The following SLC9A6 variants were observed in gnomAD, a reference collection of about 807,000 sequenced individuals.
The protein encoded by SLC9A6 is solute carrier family 9 member A6, also known as sodium/hydrogen exchanger 6.
A neutral mutation model predicts 45.3 loss-of-function variants in SLC9A6; 6 were observed. That is an observed-to-expected ratio of 0.13 (90% confidence interval 0.07 to 0.26). The LOEUF is 0.26. Among genes scored for constraint, SLC9A6 ranks in the 10% least tolerant of loss-of-function variants. The probability of loss-of-function intolerance (pLI) is 1.00; values close to 1 mark genes in which losing one functional copy is unlikely to be tolerated. For missense variants in SLC9A6, 278 were observed against 503.7 expected, an observed-to-expected ratio of 0.55 and a Z score of 4.29; for synonymous variants, 191 against 187.7, an observed-to-expected ratio of 1.02 and a Z score of -0.14.
At chrX:135,991,806 CT>C (rs1229497217) in intron 2 of SLC9A6, among the ~76,000 whole-genome samples, 2 of 109,686 alleles carry the variant, frequency 1.8e-5, no homozygotes, top group Non-Finnish European at 3.8e-5. Context: ...CCACTGGTTC[CT>C]TTTTTTTTCT....
intron 15 of SLC9A6, 86 bp downstream of exon 15, chrX:136,030,248 T>G: frequency 4.4e-6 from 4 of 902,964 alleles, no homozygotes; most frequent in Non-Finnish European, 6.5e-6. Context: ...AACTTCAACC[T>G]TCTATTTAGA....
At chrX:135,974,474 G>GGGGAGGAGGTGGGGCCGAGGGGC (rs1269796747), upstream of SLC9A6, among the ~76,000 whole-genome samples, 1 of 76,858 alleles carries the variant, frequency 1.3e-5, no homozygotes, top group African/African-American at 4.9e-5. Context: ...CCGAGGGGGC[G>GGGGAGGAGGTGGGGCCGAGGGGC]GGGAGGAGGT....
upstream of SLC9A6, among the ~76,000 whole-genome samples, chrX:135,981,443 G>A (rs184868481): frequency 9.0e-6 from 1 of 111,446 alleles, no homozygotes; most frequent in Non-Finnish European, 1.9e-5. Context: ...ATGAGATTTG[G>A]ATGGGGAGAC....
At chrX:136,008,336 T>C (rs182459414) in intron 7 of SLC9A6, among the ~76,000 whole-genome samples, 2 of 111,645 alleles carry the variant, frequency 1.8e-5, no homozygotes, top group African/African-American at 6.5e-5. Context: ...CCCGGGTTCA[T>C]GAGGTTCACC....
intron 1 of SLC9A6, among the ~76,000 whole-genome samples, chrX:135,978,841 C>T (rs1353840091): frequency 9.1e-6 from 1 of 110,282 alleles, no homozygotes; most frequent in Admixed American, 9.7e-5. Context: ...TTTGTTTGAT[C>T]TGAGTTCCTT....
intron 16 of SLC9A6, 30 bp from the exon 17 acceptor site, chrX:136,040,046 A>G: frequency 1.8e-6 from 2 of 1,114,114 alleles, no homozygotes; most frequent in Non-Finnish European, 2.5e-6. Context: ...TTGTAAAGAA[A>G]GGACCACAGC....
intron 6 of SLC9A6, among the ~76,000 whole-genome samples, chrX:136,000,594 G>A (rs1364049033): frequency 8.9e-6 from 1 of 112,142 alleles, no homozygotes; most frequent in African/African-American, 3.2e-5. Flanking sequence ...TGCCTGAATA[G>A]CCCAAGCAAA....
At chrX:136,035,600 T>C (rs2148204728) in intron 16 of SLC9A6, among the ~76,000 whole-genome samples, 1 of 111,981 alleles carries the variant, frequency 8.9e-6, no homozygotes, top group East Asian at 2.8e-4. Flanking sequence ...TAATAAATAT[T>C]TGGGTTGGTT....
chrX:136,013,596 A>C (rs1390104824), intron 10 of SLC9A6, among the ~76,000 whole-genome samples, 159 bp downstream of exon 10: 1 of 112,086 alleles, frequency 8.9e-6, no homozygotes, highest in Non-Finnish European at 1.9e-5. Flanking sequence ...TGGGATTGGC[A>C]AAATGAAGAA....
intron 3 of SLC9A6, among the ~76,000 whole-genome samples, chrX:135,995,958 CTCTT>C (rs782722987): frequency 9.4e-6 from 1 of 106,715 alleles, no homozygotes; most frequent in African/African-American, 3.4e-5. Context: ...TTGCTCATGT[CTCTT>C]TGTTTTCTCC....
intron 2 of SLC9A6, among the ~76,000 whole-genome samples, chrX:135,987,734 G>A (rs1392743459): frequency 1.8e-5 from 2 of 110,631 alleles, no homozygotes; most frequent in African/African-American, 6.6e-5. Flanking sequence ...AAGGGCTGTA[G>A]TTTGCCAACC....
intron 11 of SLC9A6, among the ~76,000 whole-genome samples, chrX:136,021,528 C>G (rs1556619926): frequency 8.9e-6 from 1 of 112,277 alleles, no homozygotes; most frequent in Non-Finnish European, 1.9e-5. Flanking sequence ...ACCATTCCCC[C>G]TACCTTGTTT....
At chrX:136,020,845 T>C (rs12689672) in intron 11 of SLC9A6, among the ~76,000 whole-genome samples, 8,062 of 110,675 alleles carry the variant, frequency 0.073, 332 homozygotes, top group African/African-American at 0.16. Flanking sequence ...AATTTTTATC[T>C]TCATCATTGT....
intron 15 of SLC9A6, among the ~76,000 whole-genome samples, chrX:136,031,666 A>C (rs991911842): frequency 8.9e-6 from 1 of 112,053 alleles, no homozygotes; most frequent in African/African-American, 3.2e-5. Flanking sequence ...CTGGAAAAAC[A>C]AAAACAAAAT....
intron 14 of SLC9A6, among the ~76,000 whole-genome samples, chrX:136,029,207 A>G (rs1299886551): frequency 9.0e-6 from 1 of 111,190 alleles, no homozygotes; most frequent in Non-Finnish European, 1.9e-5. Context: ...GCAGGCAGGT[A>G]TAGCTAGAAT....
rs1236297745 is a variant in SLC9A6, at chrX:136,046,106, A to G, written c.*1382A>G. ...GTTGATTTTGACCTGTTCATGATTCAGAAGAAAAACAAACTTTTTTGGATT... is the reference window on the plus strand; with the variant it reads ...GTTGATTTTGACCTGTTCATGATTCGGAAGAAAAACAAACTTTTTTGGATT... On this transcript the variant is annotated 3_prime_UTR_variant, in exon 18 of 18. Coordinates refer to ENST00000630721, the MANE Select transcript of SLC9A6 (RefSeq NM_001379110.1). 8.9e-6 allele frequency: 1 copy of G among 112,529 alleles called. No individual in the cohort carries two copies. The highest frequency in any genetic ancestry group is 1.9e-5 in the Non-Finnish European group (1 of 53,299). The allele number at this position is 112,529 out of a possible 1,213,427, so 9.3% of individuals were successfully genotyped here.
upstream of SLC9A6, among the ~76,000 whole-genome samples, chrX:135,980,462 C>T (rs2089281618): frequency 9.0e-6 from 1 of 111,651 alleles, no homozygotes; most frequent in Admixed American, 9.6e-5. Context: ...GCTCTCTTTT[C>T]AGCTTATCCT....
intron 3 of SLC9A6, among the ~76,000 whole-genome samples, chrX:135,997,018 G>A (rs1482934022): frequency 3.6e-5 from 4 of 110,557 alleles, no homozygotes; most frequent in Non-Finnish European, 7.6e-5. Context: ...CGCCCGCCTT[G>A]GCCTCCCAAA....
intron 2 of SLC9A6, among the ~76,000 whole-genome samples, chrX:135,992,998 G>A (rs1556615949): frequency 8.9e-6 from 1 of 112,082 alleles, no homozygotes; most frequent in African/African-American, 3.2e-5. Flanking sequence ...AAGGTAAAAT[G>A]CAGCTAGTAG....
Sources: allele counts gnomAD v4.1 joint callset (sites outside exome capture counted in the v4.1 genomes callset), GRCh38; gene constraint gnomAD v4.1.1; transcripts MANE v1.5; gene names NCBI Gene and HGNC (gene_info 2026-07-23, HGNC 2026-07-21).